JAZF1: variants seen among roughly 807,000 people sequenced by gnomAD.
The protein encoded by JAZF1 is juxtaposed with another zinc finger protein 1.
A neutral mutation model predicts 26.4 loss-of-function variants in JAZF1; 8 were observed. The ratio of observed to expected loss-of-function variants is 0.30; its 90% CI spans 0.18 to 0.55. JAZF1 has a LOEUF of 0.55. JAZF1 is among the 20% of genes least tolerant of loss of function. The pLI, the probability that JAZF1 is intolerant of heterozygous loss-of-function variation, is 0.94. For missense variants in JAZF1, 199 were observed against 322.0 expected (o/e 0.62, Z 2.92); for synonymous variants, 126 against 122.3 (o/e 1.03, Z -0.20).
At chr7:28,084,408 C>A (rs566082794) in intron 1 of JAZF1, among the ~76,000 whole-genome samples, 7 of 152,184 alleles carry the variant, frequency 4.6e-5, no homozygotes, top group Non-Finnish European at 2.9e-5. Context: ...TTAAGCTATT[C>A]ACCAAGTCAA....
intron 1 of JAZF1, among the ~76,000 whole-genome samples, chr7:28,133,120 T>G (rs917116): frequency 0.41 from 62,403 of 152,112 alleles, 17,166 homozygotes; most frequent in East Asian, 0.97. Flanking sequence ...TTACCATCTT[T>G]TTCACTAAAA....
At chr7:27,967,999 C>T (rs1785308155) in intron 2 of JAZF1, among the ~76,000 whole-genome samples, 1 of 152,100 alleles carries the variant, frequency 6.6e-6, no homozygotes, top group Non-Finnish European at 1.5e-5. Flanking sequence ...GTGCTACGTG[C>T]ACAAAAAGAC....
intron 3 of JAZF1, among the ~76,000 whole-genome samples, chr7:27,863,515 C>T (rs574040162): frequency 1.1e-4 from 17 of 152,248 alleles, no homozygotes; most frequent in Non-Finnish European, 1.9e-4. Flanking sequence ...CAGGCACAAC[C>T]TCCGTACCTG....
At chr7:27,921,270 A>G (rs1784524340) in intron 2 of JAZF1, among the ~76,000 whole-genome samples, 1 of 151,872 alleles carries the variant, frequency 6.6e-6, no homozygotes, top group Non-Finnish European at 1.5e-5. Flanking sequence ...CCAGACTGCA[A>G]CCAGACTGCC....
chr7:27,914,046 C>T (rs757053705), intron 2 of JAZF1, among the ~76,000 whole-genome samples: 12 of 152,114 alleles, frequency 7.9e-5, no homozygotes, highest in South Asian at 4.2e-4. Context: ...ATAAGAGGGG[C>T]GGGAGAACTG....
Position 27,832,048 on chromosome 7 carries a change from A to G in JAZF1, c.*752T>C, listed in dbSNP as rs374846172. 88 of 214,546 alleles carry G rather than the reference A, an allele frequency of 4.1e-4. No individual in the cohort carries two copies. Among genetic ancestry groups the G allele is most frequent in the African/African-American group, 1.8e-3 (78 of 44,416 alleles). The allele number at this position is 214,546 out of a possible 1,614,324, so 13.3% of individuals were successfully genotyped here. ...AATAGGCATAAATTGAATCCCTTGT[A>G]CCCAGCAGGCACTCAATCAATGTGT... On this transcript the variant is annotated 3_prime_UTR_variant, in exon 5 of 5. Transcript: ENST00000283928.
intron 2 of JAZF1, among the ~76,000 whole-genome samples, chr7:27,946,699 T>C: frequency 6.6e-6 from 1 of 152,226 alleles, no homozygotes; most frequent in Non-Finnish European, 1.5e-5. Flanking sequence ...GCAATTATTC[T>C]AGGCCACTGA....
intron 1 of JAZF1, chr7:28,071,469 ACT>A (rs1783975788): frequency 5.4e-6 from 2 of 371,514 alleles, no homozygotes; most frequent in African/African-American, 4.3e-5. Flanking sequence ...TTATAATTCA[ACT>A]CTCATTTCTT....
intron 2 of JAZF1, among the ~76,000 whole-genome samples, chr7:27,983,785 G>A (rs1422384629): frequency 6.6e-6 from 1 of 152,166 alleles, no homozygotes; most frequent in Non-Finnish European, 1.5e-5. Flanking sequence ...AAGAGAGTGG[G>A]GGCCAATATT....
At chr7:28,067,642 A>G (rs1251997957) in intron 1 of JAZF1, among the ~76,000 whole-genome samples, 2 of 152,190 alleles carry the variant, frequency 1.3e-5, no homozygotes, top group Admixed American at 1.3e-4. Flanking sequence ...TAAAATGAAA[A>G]AATGACGAAG....
At chr7:28,067,904 A>G (rs931353275) in intron 1 of JAZF1, among the ~76,000 whole-genome samples, 1 of 151,978 alleles carries the variant, frequency 6.6e-6, no homozygotes, top group Non-Finnish European at 1.5e-5. Context: ...TCTGCTTCTA[A>G]GTAGTTTTTT....
At chr7:28,130,494 G>A (rs1040773978) in intron 1 of JAZF1, among the ~76,000 whole-genome samples, 26 of 152,068 alleles carry the variant, frequency 1.7e-4, no homozygotes, top group African/African-American at 6.3e-4. Context: ...TTTACGTAAC[G>A]ACCCACATTC....
chr7:28,111,560 C>T (rs2127933360), intron 1 of JAZF1, among the ~76,000 whole-genome samples: 1 of 152,338 alleles, frequency 6.6e-6, no homozygotes, highest in East Asian at 1.9e-4. Context: ...CACAATGCTT[C>T]TTTGAGGAGG....
At chr7:28,132,671 A>G (rs146628487) in intron 1 of JAZF1, among the ~76,000 whole-genome samples, 43 of 152,348 alleles carry the variant, frequency 2.8e-4, no homozygotes, top group Non-Finnish European at 5.9e-4. Context: ...CTGCATCCAC[A>G]TGCATAAACA....
intron 1 of JAZF1, among the ~76,000 whole-genome samples, chr7:28,115,461 A>G (rs915980457): frequency 6.6e-6 from 1 of 152,186 alleles, no homozygotes; most frequent in Non-Finnish European, 1.5e-5. Flanking sequence ...AGTGACTACC[A>G]TAACGGACAG....
chr7:28,163,405 C>T (rs1234805625), intron 1 of JAZF1, among the ~76,000 whole-genome samples: 1 of 152,150 alleles, frequency 6.6e-6, no homozygotes, highest in East Asian at 1.9e-4. Context: ...AGAGAAGGGG[C>T]ACAGGAACAA....
chr7:27,981,659 G>A (rs1403200734), intron 2 of JAZF1, among the ~76,000 whole-genome samples: 1 of 152,142 alleles, frequency 6.6e-6, no homozygotes, highest in Non-Finnish European at 1.5e-5. Flanking sequence ...TGGGTGGTGG[G>A]AATGTGATGT....
At chr7:28,111,006 G>T (rs1239763507) in intron 1 of JAZF1, among the ~76,000 whole-genome samples, 2 of 152,174 alleles carry the variant, frequency 1.3e-5, no homozygotes, top group Non-Finnish European at 2.9e-5. Context: ...TGGTCAACAA[G>T]ATGGACAAAC....
intron 2 of JAZF1, among the ~76,000 whole-genome samples, chr7:27,967,559 C>CA (rs1785299756): frequency 6.6e-6 from 1 of 152,054 alleles, no homozygotes; most frequent in Non-Finnish European, 1.5e-5. Context: ...TAACAATCTA[C>CA]AAAAACATAG....
Sources: allele counts gnomAD v4.1 joint callset (sites outside exome capture counted in the v4.1 genomes callset), GRCh38; gene constraint gnomAD v4.1.1; transcripts MANE v1.5; gene names NCBI Gene and HGNC (gene_info 2026-07-23, HGNC 2026-07-21).